ATF6B: variants seen among roughly 807,000 people sequenced by gnomAD.
The protein encoded by ATF6B is cyclic AMP-dependent transcription factor ATF-6 beta.
ATF6B carries 50 observed loss-of-function variants against 83.5 expected under a neutral mutation model. The observed-to-expected ratio is 0.60, with a 90% confidence interval of 0.48 to 0.76. The LOEUF is 0.76. ATF6B is among the 30% of genes least tolerant of loss of function. The probability of loss-of-function intolerance (pLI) is 0.00; values close to 1 mark genes in which losing one functional copy is unlikely to be tolerated. For missense variants in ATF6B, 790 were observed against 893.8 expected, an observed-to-expected ratio of 0.88 and a Z score of 1.48; for synonymous variants, 344 against 362.8, an observed-to-expected ratio of 0.95 and a Z score of 0.59.
Position 32,127,627 on chromosome 6 carries a change from C to T in ATF6B, c.171+44G>A, listed in dbSNP as rs764533998. ...TGAATGGGTCCAGGTTCTGGGCTCA[C>T]TTTCCACCCACCAAGGGTTAGAGAA... On this transcript the variant is annotated intron_variant, in intron 2 of 17. Transcript: ENST00000375203. 3.1e-6 allele frequency: 5 copies of T among 1,613,514 alleles called. No individual in the cohort carries two copies. In the South Asian group the frequency reaches 3.3e-5, roughly 11 times the overall value.
At chr6:32,126,354 T>TGGCCGGGCGCGG in intron 4 of ATF6B, 102 bp from the exon 5 acceptor site, 1 of 1,377,542 alleles carries the variant, frequency 7.3e-7, no homozygotes, top group East Asian at 2.5e-5. Flanking sequence ...AGTTTAGGGC[T>TGGCCGGGCGCGG]TACAAGCCAT....
chr6:32,124,825 T>C (rs1015838289), intron 5 of ATF6B, among the ~76,000 whole-genome samples: 2 of 152,028 alleles, frequency 1.3e-5, no homozygotes, highest in Non-Finnish European at 2.9e-5. Context: ...TCCCCTCTTA[T>C]GAGCTTTCAT....
Position 32,116,869 on chromosome 6 carries a change from C to T in ATF6B, c.1686-54G>A. On this transcript the variant is annotated intron_variant, in intron 15 of 17. Transcript: ENST00000375203. This position sits in a 1 kb window ranked among gnomAD's most constrained non-coding sequence, Gnocchi z 5.1. ...GGGAACTAAGCCCAATGCTCAGTTT[C>T]TACCAGGGAAGCGGGTAGGATGAGA... 1 of 1,590,602 alleles carries T rather than the reference C, an allele frequency of 6.3e-7. No homozygotes were observed. The highest frequency in any genetic ancestry group is 8.6e-7 in the Non-Finnish European group (1 of 1,159,188).
chr6:32,127,326 G>A (rs1336535610), intron 3 of ATF6B, 116 bp downstream of exon 3: 7 of 1,364,482 alleles, frequency 5.1e-6, no homozygotes, highest in Admixed American at 2.3e-5. Flanking sequence ...GATTGAAGGA[G>A]AGAGGATAGG....
chr6:32,117,408 G>C lies in ATF6B; in HGVS notation c.1533-4C>G. The C allele has an allele frequency of 1.2e-6, 2 of 1,613,874 alleles. No homozygotes were observed. The highest frequency in any genetic ancestry group is 1.7e-6 in the Non-Finnish European group (2 of 1,179,908). On this transcript the variant is annotated splice_polypyrimidine_tract_variant and splice_region_variant and intron_variant, in intron 13 of 17. Coordinates refer to ENST00000375203, the MANE Select transcript of ATF6B (RefSeq NM_004381.5). The surrounding 1 kb of genome is among the most constrained non-coding windows in gnomAD (Gnocchi z 5.0). ...GCCACTCAACTCGTCAGCAAGCCTGGGGAAATGGAGGAGCTCAGGACCTCC... is the reference window on the plus strand; with the variant it reads ...GCCACTCAACTCGTCAGCAAGCCTGCGGAAATGGAGGAGCTCAGGACCTCC...
rs1426992372 is a variant in ATF6B at position 32,119,873 on chromosome 6, C to G, written c.917G>C (p.Ser306Thr). The stretch of plus-strand genomic sequence containing the variant: ...TCCAGGCATAGGAGCGGGAACGATG[C>G]TCTTCCTCTCAGGCCGTGGTAGAGA... ...APSLPRPERK[S>T]IVPAPMPGNS... The change falls in exon 9 of 18, where the codon AGC becomes ACC. Residue 306 changes from serine (S) to threonine (T), a missense_variant. This residue lies in a region of ATF6B where 530 missense variants were observed against 632.6 expected (regional missense o/e 0.84). Transcript: ENST00000375203. The surrounding 1 kb of genome is among the most constrained non-coding windows in gnomAD (Gnocchi z 4.9). 6.2e-7 allele frequency: 1 copy of G among 1,614,198 alleles called. No individual in the cohort carries two copies. The highest frequency in any genetic ancestry group is 8.5e-7 in the Non-Finnish European group (1 of 1,180,030).
intron 5 of ATF6B, among the ~76,000 whole-genome samples, chr6:32,124,716 C>T (rs1428840647): frequency 6.6e-6 from 1 of 152,192 alleles, no homozygotes; most frequent in Non-Finnish European, 1.5e-5. Context: ...TCAACCCCCA[C>T]ACTGTCCTCC....
intron 4 of ATF6B, 72 bp from the exon 5 acceptor site, chr6:32,126,324 G>A: frequency 2.6e-6 from 4 of 1,551,066 alleles, no homozygotes; most frequent in South Asian, 1.2e-5. Context: ...GACAGTAAGA[G>A]CGAGAACAAA....
At chr6:32,122,940 C>A (rs920776744) in intron 5 of ATF6B, among the ~76,000 whole-genome samples, 12 of 151,396 alleles carry the variant, frequency 7.9e-5, no homozygotes, top group African/African-American at 2.9e-4. Context: ...TTAACCATGG[C>A]TGGGCATGGT....
intron 5 of ATF6B, among the ~76,000 whole-genome samples, chr6:32,124,336 C>A (rs1344452278): frequency 6.6e-6 from 1 of 152,224 alleles, no homozygotes; most frequent in Non-Finnish European, 1.5e-5. Flanking sequence ...CCACAAACCT[C>A]TTTGACTCCT....
intron 5 of ATF6B, among the ~76,000 whole-genome samples, 161 bp from the exon 6 acceptor site, chr6:32,121,509 C>A (rs892401040): frequency 6.6e-6 from 1 of 152,092 alleles, no homozygotes; most frequent in African/African-American, 2.4e-5. Flanking sequence ...TCAAGACCAG[C>A]CTGACCAACA....
Position 32,128,237 on chromosome 6 carries a change from G to C in ATF6B, c.-30C>G, listed in dbSNP as rs762626358. ...CCCCCCCACCCCCCAACCAGGAGAC[G>C]GTTCCCAAGGCCCGCCTCTCCCCAT... On this transcript the variant is annotated 5_prime_UTR_variant, in exon 1 of 18. Coordinates refer to ENST00000375203, the MANE Select transcript of ATF6B (RefSeq NM_004381.5). 5 of 1,453,734 alleles carry C rather than the reference G, an allele frequency of 3.4e-6. No homozygotes were observed. The highest frequency in any genetic ancestry group is 3.6e-6 in the Non-Finnish European group (4 of 1,101,574). 90.1% of individuals were successfully genotyped at this position (1,453,734 alleles called of 1,614,324 possible).
chr6:32,120,656 G>T, intron 8 of ATF6B, 115 bp downstream of exon 8: 2 of 1,299,214 alleles, frequency 1.5e-6, no homozygotes, highest in Non-Finnish European at 2.1e-6. Context: ...TCACCACGTT[G>T]GCCAGGCTGG....
Position 32,128,179 on chromosome 6 carries a change from A to G in ATF6B, c.29T>C (p.Ile10Thr). ...GGTGAAGAAACGCGTCGGGTCAGCA[A>G]TCTCGCTGAGCAGCATCAGCTCCGC... MAELMLLSE[I>T]ADPTRFFTDN... Residue 10 changes from isoleucine (I) to threonine (T), a missense_variant, in exon 1 of 18, where the codon ATT (isoleucine) becomes ACT (threonine). Transcript: ENST00000375203. 1.2e-6 allele frequency: 2 copies of G among 1,612,300 alleles called. No individual in the cohort carries two copies. The highest frequency in any genetic ancestry group is 1.1e-5 in the South Asian group (1 of 91,054).
Position 32,117,715 on chromosome 6 carries a change from GACA to G in ATF6B, c.1425-24_1425-22del. 6.2e-7 allele frequency: 1 copy of G among 1,610,374 alleles called. No individual in the cohort carries two copies. Among genetic ancestry groups the G allele is most frequent in the East Asian group, 2.2e-5 (1 of 44,766 alleles). On this transcript the variant is annotated intron_variant, in intron 12 of 17. Coordinates refer to ENST00000375203, the MANE Select transcript of ATF6B (RefSeq NM_004381.5). This position sits in a 1 kb window ranked among gnomAD's most constrained non-coding sequence, Gnocchi z 5.0. Reference sequence around the variant, plus strand: ...GGTTGCTGGAGTGAAGCAGGAAGGAGACAACACTTGGAGACTGCCCAGCACTCC... The same window carrying G: ...GGTTGCTGGAGTGAAGCAGGAAGGAGACACTTGGAGACTGCCCAGCACTCC...
chr6:32,124,081 T>C (rs1781871206), intron 5 of ATF6B, among the ~76,000 whole-genome samples: 1 of 152,058 alleles, frequency 6.6e-6, no homozygotes, highest in Non-Finnish European at 1.5e-5. Context: ...ATGCCTGTAA[T>C]CCCAGCTACT....
chr6:32,126,075 C>T (rs777859609), intron 5 of ATF6B, 42 bp downstream of exon 5: 1 of 1,612,244 alleles, frequency 6.2e-7, no homozygotes, highest in African/African-American at 1.3e-5. Flanking sequence ...AACACATTCT[C>T]CCGTAGTAGA....
rs1473073141 is a variant in ATF6B, at chr6:32,117,961, C to T, written c.1322G>A (p.Gly441Glu). 1.2e-6 allele frequency: 2 copies of T among 1,613,552 alleles called. No individual in the cohort carries two copies. Among genetic ancestry groups the T allele is most frequent in the South Asian group, 2.2e-5 (2 of 91,030 alleles). The change falls in exon 12 of 18, where the codon GGG becomes GAG. Residue 441 changes from glycine (G) to glutamate (E), a missense_variant. This residue lies in a region of ATF6B where 530 missense variants were observed against 632.6 expected (regional missense o/e 0.84). Coordinates refer to ENST00000375203, the MANE Select transcript of ATF6B (RefSeq NM_004381.5). This position sits in a 1 kb window ranked among gnomAD's most constrained non-coding sequence, Gnocchi z 5.0. ...GEPQPRRHLLGFSEQEPVQGV... is the reference protein window; with the variant it reads ...GEPQPRRHLLEFSEQEPVQGV... The stretch of plus-strand genomic sequence containing the variant: ...CTGAACTGGCTCTTGCTCTGAGAAC[C>T]CCAGCAAGTGTCTCCGGGGTTGAGG...
At chr6:32,126,661 C>A (rs184870518) in intron 4 of ATF6B, among the ~76,000 whole-genome samples, 221 of 152,146 alleles carry the variant, frequency 1.5e-3, no homozygotes, top group Middle Eastern at 6.8e-3. Flanking sequence ...GAGTTTAAGT[C>A]CACTCTGGGC....
Sources: allele counts gnomAD v4.1 joint callset (sites outside exome capture counted in the v4.1 genomes callset), GRCh38; gene constraint gnomAD v4.1.1; regional missense constraint gnomAD v4.1.1; non-coding constraint Gnocchi (gnomAD v3.1); transcripts MANE v1.5; gene names NCBI Gene and HGNC (gene_info 2026-07-23, HGNC 2026-07-21).